The following DEUP1 variants were observed in gnomAD, a reference collection of about 807,000 sequenced individuals.
DEUP1 encodes the protein coiled-coil domain containing 67.
Under a neutral mutation model 87.4 loss-of-function variants are expected in DEUP1, and 82 were observed. The ratio of observed to expected loss-of-function variants is 0.94; its 90% CI spans 0.78 to 1.13. The LOEUF is 1.13. DEUP1 is among the 50% of genes most tolerant of loss of function. The pLI is 0.00. For synonymous variants in DEUP1, 214 were observed against 222.7 expected (o/e 0.96, Z 0.35); for missense variants, 663 against 681.5 (o/e 0.97, Z 0.30).
intron 5 of DEUP1, among the ~76,000 whole-genome samples, chr11:93,368,032 T>C (rs2134254714): frequency 6.6e-6 from 1 of 152,254 alleles, no homozygotes; most frequent in East Asian, 1.9e-4. Context: ...GAAGCAGCGA[T>C]GTCTTCTTTG....
Position 93,415,128 on chromosome 11 carries a change from T to A in DEUP1, c.1638+14T>A. On this transcript the variant is annotated intron_variant, in intron 13 of 13. Transcript: ENST00000298050. Reference sequence around the variant, plus strand: ...GTATTCCCACTGGTGAGTTGCTGGTTGTGGGCTTTTTTTTTCTTTAATGGG... The same window carrying A: ...GTATTCCCACTGGTGAGTTGCTGGTAGTGGGCTTTTTTTTTCTTTAATGGG... 6.5e-7 allele frequency: 1 copy of A among 1,543,174 alleles called. No homozygotes were observed. Among genetic ancestry groups the A allele is most frequent in the Non-Finnish European group, 8.9e-7 (1 of 1,118,838 alleles).
intron 12 of DEUP1, among the ~76,000 whole-genome samples, chr11:93,413,265 G>A (rs1312866982): frequency 6.8e-6 from 1 of 148,000 alleles, no homozygotes; most frequent in South Asian, 2.1e-4. Flanking sequence ...TTTTTGAGAC[G>A]GAGTCTCTCT....
intron 2 of DEUP1, among the ~76,000 whole-genome samples, chr11:93,348,008 G>A (rs554796831): frequency 3.9e-5 from 6 of 152,290 alleles, no homozygotes; most frequent in South Asian, 4.1e-4. Flanking sequence ...CCAAAGCGCC[G>A]GGATTACAGG....
In DEUP1 at chr11:93,373,650, T is replaced by TATATATATAC. The variant is rs1239179001; in HGVS notation, c.789+2371_789+2372insTATATATACA. 4.3e-5 allele frequency among the ~76,000 whole-genome samples: 6 copies of TATATATATAC among 140,468 alleles called. 1 individual carries two copies. The highest frequency in any genetic ancestry group is 1.3e-4 in the African/African-American group (5 of 38,508). The allele number at this position is 140,468 out of a possible 152,430, so 92.2% of individuals were successfully genotyped here. A position where few individuals can be genotyped will look rare whatever the true frequency, so the allele number is the denominator to read the frequency against. ...GTATATATATATATATATATATATA[T>TATATATATAC]ACGTATATATATGCCACATTTTCTT... On this transcript the variant is annotated intron_variant, in intron 7 of 13. Transcript: ENST00000298050.
At chr11:93,371,955 G>T (rs1945750868) in intron 7 of DEUP1, among the ~76,000 whole-genome samples, 1 of 144,724 alleles carries the variant, frequency 6.9e-6, no homozygotes, top group African/African-American at 2.6e-5. Flanking sequence ...TTGAGACGGA[G>T]TCTCGCTCTG....
At chr11:93,370,670 A>G (rs1304243629) in intron 6 of DEUP1, among the ~76,000 whole-genome samples, 2 of 152,156 alleles carry the variant, frequency 1.3e-5, no homozygotes, top group African/African-American at 4.8e-5. Context: ...TGCATTGACA[A>G]CTTTTCCCCT....
intron 13 of DEUP1, among the ~76,000 whole-genome samples, chr11:93,419,758 C>A (rs1165942559): frequency 6.6e-6 from 1 of 151,738 alleles, no homozygotes; most frequent in Admixed American, 6.6e-5. Context: ...AACAGTTGGA[C>A]TTCTTTACTC....
intron 13 of DEUP1, among the ~76,000 whole-genome samples, chr11:93,420,080 CT>C (rs1385812517): frequency 1.3e-5 from 2 of 152,092 alleles, no homozygotes. Flanking sequence ...CAGCATCATC[CT>C]GATACCAAAG....
Position 93,415,129 on chromosome 11 carries a change from G to C in DEUP1, c.1638+15G>C, listed in dbSNP as rs375886061. On this transcript the variant is annotated intron_variant, in intron 13 of 13. Transcript: ENST00000298050. ...TATTCCCACTGGTGAGTTGCTGGTT[G>C]TGGGCTTTTTTTTTCTTTAATGGGT... 5.7e-5 allele frequency: 88 copies of C among 1,542,196 alleles called. 1 individual carries two copies. The highest frequency in any genetic ancestry group is 5.0e-4 in the East Asian group (22 of 44,426).
At chr11:93,342,579 C>T (rs1358264728) in intron 2 of DEUP1, among the ~76,000 whole-genome samples, 1 of 152,180 alleles carries the variant, frequency 6.6e-6, no homozygotes, top group Non-Finnish European at 1.5e-5. Flanking sequence ...TGGCACCTTC[C>T]ACTTATATTT....
chr11:93,414,773 T>C (rs1245005845), intron 12 of DEUP1, among the ~76,000 whole-genome samples: 1 of 152,184 alleles, frequency 6.6e-6, no homozygotes, highest in African/African-American at 2.4e-5. Flanking sequence ...AAAATATTTT[T>C]AACAGTTGTT....
rs147207855 is a variant in DEUP1, at chr11:93,355,212, A to G, written c.30-159A>G. On this transcript the variant is annotated intron_variant, in intron 2 of 13. Transcript: ENST00000298050. ...TGTTAGTTCTGAAATTGGCTTTATT[A>G]ATTTTAAAAATTAACCTTCAGCTTT... 4.9e-4 allele frequency among the ~76,000 whole-genome samples: 75 copies of G among 152,332 alleles called. 1 individual carries two copies. The East Asian group carries it at 0.014, about 28-fold the overall frequency.
At chr11:93,367,515 T>C (rs1945481184) in intron 5 of DEUP1, among the ~76,000 whole-genome samples, 2 of 152,192 alleles carry the variant, frequency 1.3e-5, no homozygotes, top group South Asian at 4.1e-4. Flanking sequence ...TGCATGGCTT[T>C]TATGTGTCAG....
At chr11:93,396,938 C>T (rs1946963056) in intron 11 of DEUP1, among the ~76,000 whole-genome samples, 1 of 152,152 alleles carries the variant, frequency 6.6e-6, no homozygotes, top group Non-Finnish European at 1.5e-5. Flanking sequence ...CTTAAACAGG[C>T]TCTGTGCATC....
At chr11:93,428,525 A>G (rs936247563) in intron 13 of DEUP1, among the ~76,000 whole-genome samples, 2 of 152,114 alleles carry the variant, frequency 1.3e-5, no homozygotes, top group Non-Finnish European at 1.5e-5. Context: ...CAGCACACCA[A>G]CATGGCACAT....
intron 7 of DEUP1, among the ~76,000 whole-genome samples, chr11:93,372,175 G>T (rs566622966): frequency 3.3e-4 from 50 of 152,102 alleles, no homozygotes; most frequent in Admixed American, 1.4e-3. Context: ...TGATCCGCCC[G>T]CCTCGGCCTC....
rs199669569 is a variant in DEUP1 at position 93,373,582 on chromosome 11, C to CAT, written c.789+2312_789+2313dup. Among the ~76,000 whole-genome samples the CAT allele has an allele frequency of 2.9e-3, 395 of 134,316 alleles. 3 individuals carry two copies. Among genetic ancestry groups the CAT allele is most frequent in the African/African-American group, 0.01 (362 of 35,096 alleles). 88.1% of individuals were successfully genotyped at this position (134,316 alleles called of 152,430 possible). Reference sequence around the variant, plus strand: ...GCTGTGTAGTATTCATATATATATACATATATATATACGTATATATATTTA... The same window carrying CAT: ...GCTGTGTAGTATTCATATATATATACATATATATATATACGTATATATATTTA... On this transcript the variant is annotated intron_variant, in intron 7 of 13. Transcript: ENST00000298050.
intron 7 of DEUP1, among the ~76,000 whole-genome samples, chr11:93,377,660 G>C (rs942656939): frequency 6.6e-6 from 1 of 152,074 alleles, no homozygotes; most frequent in Non-Finnish European, 1.5e-5. Flanking sequence ...CATCATGCTA[G>C]TTGTTGCCTG....
At chr11:93,388,105 C>T (rs1591204615) in intron 8 of DEUP1, among the ~76,000 whole-genome samples, 1 of 152,176 alleles carries the variant, frequency 6.6e-6, no homozygotes, top group Admixed American at 6.5e-5. Context: ...GATATCACTA[C>T]CAACTTAATA....
Sources: gnomAD v4.1 joint callset for allele counts (sites outside exome capture counted in the v4.1 genomes callset) on GRCh38, gnomAD v4.1.1 for gene constraint, MANE v1.5 for transcripts, NCBI Gene and HGNC (gene_info 2026-07-23, HGNC 2026-07-21) for gene names.